LETM1: variants seen among roughly 807,000 people sequenced by gnomAD.
LETM1 encodes mitochondrial proton/calcium exchanger protein.
A neutral mutation model predicts 74.5 loss-of-function variants in LETM1; 50 were observed. The ratio of observed to expected loss-of-function variants is 0.67; its 90% confidence interval spans 0.53 to 0.85. The LOEUF (loss-of-function observed/expected upper bound fraction) is 0.85, where lower values mean the gene tolerates loss of function less well. LETM1 is among the 40% of genes least tolerant of loss of function. LETM1 has a pLI of 0.00. For missense variants in LETM1, 824 were observed against 967.8 expected (o/e 0.85, Z 1.97); for synonymous variants, 446 against 407.1 (o/e 1.10, Z -1.15).
rs936383882 is a variant in LETM1 at position 1,812,501 on chromosome 4, G to T, written c.*1923C>A. 6.6e-6 allele frequency: 1 copy of T among 152,162 alleles called. No individual in the cohort carries two copies. The highest frequency in any genetic ancestry group is 2.4e-5 in the African/African-American group (1 of 41,366). 9.4% of individuals were successfully genotyped at this position (152,162 alleles called of 1,614,324 possible). A position where few individuals can be genotyped will look rare whatever the true frequency, so the allele number is the denominator to read the frequency against. ...CTCCTGAAAAAGGCCAAGACCGAGG[G>T]TCTGGCCCTGGGCAGGTGTAAGAAA... On this transcript the variant is annotated 3_prime_UTR_variant, in exon 14 of 14. Transcript: ENST00000302787.
chr4:1,855,885 C>A lies in LETM1; in HGVS notation c.66G>T (p.Arg22=). Residue 22 remains arginine, a synonymous_variant, in exon 1 of 14, where the codon CGG becomes CGT. Coordinates refer to ENST00000302787, the MANE Select transcript of LETM1 (RefSeq NM_012318.3). Reference sequence around the variant, plus strand: ...GCCGCTTACCCCGCGGGACGGTGTACCGAGGCGGCGGCGGGAGGCGGGCGG... The same window carrying A: ...GCCGCTTACCCCGCGGGACGGTGTAACGAGGCGGCGGCGGGAGGCGGGCGG... ...RAPARLPPPP[R]YTVPRGSPGD... is the part of the protein sequence containing the mutation. 8.1e-7 allele frequency: 1 copy of A among 1,238,724 alleles called. No homozygotes were observed. The highest frequency in any genetic ancestry group is 4.2e-5 in the Admixed American group (1 of 23,636). The allele number at this position is 1,238,724 out of a possible 1,614,324, so 76.7% of individuals were successfully genotyped here. A position where few individuals can be genotyped will look rare whatever the true frequency, so the allele number is the denominator to read the frequency against.
chr4:1,819,556 A>G, intron 10 of LETM1, 84 bp from the exon 11 acceptor site: 1 of 1,459,204 alleles, frequency 6.9e-7, no homozygotes, highest in Non-Finnish European at 9.2e-7. Flanking sequence ...CTCTGTTCAT[A>G]TTATACGGGC....
chr4:1,829,302 A>C (rs2079698832), intron 6 of LETM1, among the ~76,000 whole-genome samples: 1 of 131,918 alleles, frequency 7.6e-6, no homozygotes, highest in Non-Finnish European at 1.6e-5. Context: ...GGCCGGGCAG[A>C]GGCGCCCCTC....
intron 6 of LETM1, among the ~76,000 whole-genome samples, chr4:1,826,769 T>C (rs917407126): frequency 6.6e-6 from 1 of 152,260 alleles, no homozygotes; most frequent in African/African-American, 2.4e-5. Flanking sequence ...TGCTTTCTTC[T>C]CCCTGTCCTC....
intron 13 of LETM1, among the ~76,000 whole-genome samples, chr4:1,814,900 G>A (rs1052912877): frequency 6.6e-6 from 1 of 152,188 alleles, no homozygotes; most frequent in Non-Finnish European, 1.5e-5. Context: ...GTGACATGCA[G>A]GGACCTTGTC....
intron 3 of LETM1, among the ~76,000 whole-genome samples, chr4:1,840,394 G>A (rs936688050): frequency 3.3e-5 from 5 of 150,558 alleles, no homozygotes; most frequent in Non-Finnish European, 5.9e-5. Flanking sequence ...AAGGTTGGGC[G>A]CGGTGGTTCA....
At chr4:1,835,021 G>C in intron 4 of LETM1, 39 bp from the exon 5 acceptor site, 2 of 1,598,182 alleles carry the variant, frequency 1.3e-6, no homozygotes, top group Non-Finnish European at 1.7e-6. Flanking sequence ...CAACTGCTCA[G>C]ACTGTGGTTC....
At chr4:1,823,178 G>T (rs1301607936) in intron 8 of LETM1, 47 bp from the exon 9 acceptor site, 1 of 1,521,932 alleles carries the variant, frequency 6.6e-7, no homozygotes. Context: ...GCCACCAGAG[G>T]CCCCTGCTGC....
rs374644730 is a variant in LETM1 at position 1,819,446 on chromosome 4, G to A, written c.1635C>T (p.Ile545=). 9.9e-6 allele frequency: 16 copies of A among 1,613,072 alleles called. No homozygotes were observed. The highest frequency in any genetic ancestry group is 6.7e-5 in the African/African-American group (5 of 74,844). ...TAGAGCAGGCATCGCTGAGGATGTC[G>A]ATTTCCTCCTTCGTGATCTCTTCCT... ...LKEEEITKEE[I]DILSDACSKL... The change falls in exon 11 of 14, where the codon ATC becomes ATT. Residue 545 remains isoleucine, a synonymous_variant. Transcript: ENST00000302787.
chr4:1,828,808 G>A (rs1177181335), intron 6 of LETM1, among the ~76,000 whole-genome samples: 1 of 142,092 alleles, frequency 7.0e-6, no homozygotes, highest in African/African-American at 2.6e-5. Context: ...GCCGGGCAGG[G>A]GGGCTGACCC....
intron 11 of LETM1, among the ~76,000 whole-genome samples, chr4:1,818,587 T>C (rs1711660619): frequency 6.6e-6 from 1 of 151,202 alleles, no homozygotes; most frequent in Non-Finnish European, 1.5e-5. Flanking sequence ...CACTCCAGCC[T>C]GGGCGACAGA....
chr4:1,816,370 G>C (rs1199885063), intron 12 of LETM1, among the ~76,000 whole-genome samples: 1 of 152,232 alleles, frequency 6.6e-6, no homozygotes, highest in Non-Finnish European at 1.5e-5. Context: ...AGAGAAGGCC[G>C]ACTGCCCGAG....
At chr4:1,855,265 C>G (rs1713198596) in intron 1 of LETM1, among the ~76,000 whole-genome samples, 1 of 152,230 alleles carries the variant, frequency 6.6e-6, no homozygotes, top group South Asian at 2.1e-4. Context: ...GGTGGGCACA[C>G]CCTGGGACAG....
At chr4:1,821,219 A>C (rs181085817) in intron 10 of LETM1, among the ~76,000 whole-genome samples, 12 of 150,698 alleles carry the variant, frequency 8.0e-5, no homozygotes, top group African/African-American at 2.2e-4. Flanking sequence ...CAGCCTCCTG[A>C]GTAGCTGGGA....
chr4:1,839,248 G>A (rs1276523578), intron 3 of LETM1: 1 of 152,222 alleles, frequency 6.6e-6, no homozygotes, highest in African/African-American at 2.4e-5. Flanking sequence ...GATGGCAGAT[G>A]TGGAACCTTG....
At chr4:1,829,070 C>T (rs1712152448) in intron 6 of LETM1, among the ~76,000 whole-genome samples, 1 of 103,596 alleles carries the variant, frequency 9.7e-6, no homozygotes, top group Non-Finnish European at 1.9e-5. Context: ...CTGGACGGGG[C>T]GGCTGGCCGG....
Position 1,834,403 on chromosome 4 carries a change from C to T in LETM1, c.876+442G>A. On this transcript the variant is annotated intron_variant, in intron 5 of 13. Transcript: ENST00000302787. This position sits in a 1 kb window ranked among gnomAD's most constrained non-coding sequence, Gnocchi z 5.0. Reference sequence around the variant, plus strand: ...TGACCGCAGGAAACCTCAAGGGCCGCTCCTCCTCTCCAGCCCCCACTGCTC... The same window carrying T: ...TGACCGCAGGAAACCTCAAGGGCCGTTCCTCCTCTCCAGCCCCCACTGCTC... The T allele has an allele frequency of 2.0e-6, 2 of 993,774 alleles. No individual in the cohort carries two copies. Among genetic ancestry groups the T allele is most frequent in the Non-Finnish European group, 2.4e-6 (2 of 835,616 alleles). The allele number at this position is 993,774 out of a possible 1,614,324, so 61.6% of individuals were successfully genotyped here.
At chr4:1,841,299 G>C in intron 3 of LETM1, 48 bp downstream of exon 3, 1 of 1,548,524 alleles carries the variant, frequency 6.5e-7, no homozygotes. Context: ...CTCCAGCCTG[G>C]GTGATAGAGC....
chr4:1,823,198 C>T, intron 8 of LETM1, 67 bp from the exon 9 acceptor site: 1 of 1,516,166 alleles, frequency 6.6e-7, no homozygotes, highest in Admixed American at 2.0e-5. Context: ...CCCCTCACCT[C>T]TGTCCTGTGT....
Sources: allele counts gnomAD v4.1 joint callset (sites outside exome capture counted in the v4.1 genomes callset), GRCh38; gene constraint gnomAD v4.1.1; non-coding constraint Gnocchi (gnomAD v3.1); transcripts MANE v1.5; gene names NCBI Gene and HGNC (gene_info 2026-07-23, HGNC 2026-07-21).